Variants in TIMP2 observed in about 807,000 individuals in gnomAD.
TIMP2 encodes TIMP metallopeptidase inhibitor 2, also known as metalloproteinase inhibitor 2.
A neutral mutation model predicts 24.3 loss-of-function variants in TIMP2; 5 were observed. The ratio of observed to expected loss-of-function variants is 0.21; its 90% CI spans 0.11 to 0.43. The LOEUF (loss-of-function observed/expected upper bound fraction) is 0.43. Among genes scored for constraint, TIMP2 ranks in the 20% least tolerant of loss-of-function variants. The pLI, the probability that TIMP2 is intolerant of heterozygous loss-of-function variation, is 1.00. For missense variants in TIMP2, 221 were observed against 297.5 expected (o/e 0.74, Z 1.89); for synonymous variants, 130 against 123.2 (o/e 1.06, Z -0.37).
At chr17:78,912,995 G>T (rs1012816141) in intron 1 of TIMP2, among the ~76,000 whole-genome samples, 24 of 151,522 alleles carry the variant, frequency 1.6e-4, no homozygotes, top group African/African-American at 5.8e-4. Flanking sequence ...ACCTGAGGTT[G>T]GGAGTTCCAG....
intron 1 of TIMP2, among the ~76,000 whole-genome samples, chr17:78,905,231 T>G (rs1288972523): frequency 6.6e-6 from 1 of 152,114 alleles, no homozygotes; most frequent in Non-Finnish European, 1.5e-5. Flanking sequence ...CTCCAGGACT[T>G]ACCCCAGTGG....
intron 1 of TIMP2, among the ~76,000 whole-genome samples, chr17:78,919,348 T>A (rs2070290594): frequency 6.6e-6 from 1 of 152,232 alleles, no homozygotes; most frequent in Non-Finnish European, 1.5e-5. Context: ...ATCCCCAGGC[T>A]CCTCTTTGGC....
At chr17:78,860,780 A>G (rs1056402373) in intron 3 of TIMP2, among the ~76,000 whole-genome samples, 1 of 152,158 alleles carries the variant, frequency 6.6e-6, no homozygotes. Context: ...TCACACCTGT[A>G]ATCCCAGCAC....
intron 1 of TIMP2, chr17:78,892,259 A>C: frequency 6.4e-7 from 1 of 1,550,764 alleles, no homozygotes; most frequent in Non-Finnish European, 8.7e-7. Flanking sequence ...GGCTTGTAGC[A>C]ATTTGTGCTT....
rs553350189 is a variant in TIMP2, at chr17:78,885,614, G to A, written c.131-11695C>T. 1.4e-4 allele frequency among the ~76,000 whole-genome samples: 21 copies of A among 152,334 alleles called. No homozygotes were observed. The East Asian group carries it at 4.1e-3, about 29-fold the overall frequency. On this transcript the variant is annotated intron_variant, in intron 1 of 4. Transcript: ENST00000262768. ...ATTTAGGCTCGCAAGGCAGGGGGCA[G>A]GCCCTGTGCACTTGTGTCCGGAAGA... is the stretch of plus-strand genomic sequence containing the variant.
chr17:78,909,745 T>G (rs1216176660), intron 1 of TIMP2, among the ~76,000 whole-genome samples: 1 of 152,046 alleles, frequency 6.6e-6, no homozygotes, highest in African/African-American at 2.4e-5. Context: ...CTACCGACAC[T>G]CCAAGTAGCC....
rs545311205 is a variant in TIMP2, at chr17:78,857,716, C to T, written c.341-70G>A. 1.7e-3 allele frequency: 2,786 copies of T among 1,601,282 alleles called. 6 individuals carry two copies. The highest frequency in any genetic ancestry group is 2.8e-3 in the Admixed American group (166 of 59,268). On this transcript the variant is annotated intron_variant, in intron 3 of 4. Coordinates refer to ENST00000262768, the MANE Select transcript of TIMP2 (RefSeq NM_003255.5). ...CCTCCTCCTGCCCAGCTCCTCCACC[C>T]GGCGCAGGGGCGCTGGGATTTCGTT... is the stretch of plus-strand genomic sequence containing the variant.
At chr17:78,889,727 G>C (rs1344505557) in intron 1 of TIMP2, among the ~76,000 whole-genome samples, 2 of 152,084 alleles carry the variant, frequency 1.3e-5, no homozygotes, top group Non-Finnish European at 2.9e-5. Flanking sequence ...TCGGCTCTGG[G>C]AGATGCATCC....
chr17:78,919,816 A>G (rs2070295433), intron 1 of TIMP2, among the ~76,000 whole-genome samples: 1 of 151,834 alleles, frequency 6.6e-6, no homozygotes, highest in Non-Finnish European at 1.5e-5. Context: ...GCCTGGAGAC[A>G]GAGTGAGACT....
intron 1 of TIMP2, among the ~76,000 whole-genome samples, chr17:78,923,396 TGG>T (rs1255104339): frequency 1.8e-3 from 85 of 47,700 alleles, no homozygotes; most frequent in African/African-American, 6.1e-3. Context: ...TGGGGCGGGG[TGG>T]GGGGGGGGGC....
rs1161030428 is a variant in TIMP2, at chr17:78,909,352, T to C, written c.130+15607A>G. Among the ~76,000 whole-genome samples the C allele has an allele frequency of 3.3e-5, 5 of 150,308 alleles. No individual in the cohort carries two copies. In the East Asian group the frequency reaches 9.7e-4, roughly 29 times the overall value. On this transcript the variant is annotated intron_variant, in intron 1 of 4. Transcript: ENST00000262768. ...CCTGGGCGACAGAGCAAGACCCTCA[T>C]CTCTTTAAAAAAAAAAAAGATAAAT...
Position 78,909,405 on chromosome 17 carries a change from TC to T in TIMP2, c.130+15553del, listed in dbSNP as rs1249817146. Among the ~76,000 whole-genome samples the T allele has an allele frequency of 2.0e-5, 3 of 149,024 alleles. No individual in the cohort carries two copies. The East Asian group carries it at 5.9e-4, about 29-fold the overall frequency. ...AGGAGCCCACCTGTCCCCAGAGCTC[TC>T]CTGCCACAGTGTCAGCACATGCCTT... is the stretch of plus-strand genomic sequence containing the variant. On this transcript the variant is annotated intron_variant, in intron 1 of 4. Coordinates refer to ENST00000262768, the MANE Select transcript of TIMP2 (RefSeq NM_003255.5).
chr17:78,874,529 T>C (rs1257183575), intron 1 of TIMP2, among the ~76,000 whole-genome samples: 1 of 152,336 alleles, frequency 6.6e-6, no homozygotes. Flanking sequence ...GAAAGGTCTA[T>C]CCAGCTCTTC....
intron 1 of TIMP2, among the ~76,000 whole-genome samples, chr17:78,893,622 T>A (rs954550273): frequency 6.6e-6 from 1 of 151,844 alleles, no homozygotes; most frequent in African/African-American, 2.4e-5. Flanking sequence ...TCTGTGTGCA[T>A]GTCGGTGTGT....
intron 1 of TIMP2, among the ~76,000 whole-genome samples, chr17:78,890,113 C>CTCAA (rs67408260): frequency 4.0e-5 from 6 of 151,874 alleles, no homozygotes; most frequent in East Asian, 1.9e-4. Flanking sequence ...AAGACTCCGT[C>CTCAA]TCAATCAATC....
chr17:78,878,469 G>A (rs1345677347), intron 1 of TIMP2, among the ~76,000 whole-genome samples: 2 of 152,220 alleles, frequency 1.3e-5, no homozygotes, highest in Admixed American at 6.5e-5. Context: ...TCCCGCTCCC[G>A]TGGGTGAGGG....
At chr17:78,908,699 C>T (rs1009257132) in intron 1 of TIMP2, among the ~76,000 whole-genome samples, 4 of 152,300 alleles carry the variant, frequency 2.6e-5, no homozygotes, top group Non-Finnish European at 4.4e-5. Context: ...GAAAAGCCCT[C>T]GACAGTATTT....
chr17:78,863,914 T>C (rs1905160), intron 3 of TIMP2, among the ~76,000 whole-genome samples: 140,252 of 152,222 alleles, frequency 0.92, 64,692 homozygotes, highest in Admixed American at 0.93. Context: ...TCATCCCCCA[T>C]GTACGGATCG....
chr17:78,924,840 G>T lies in TIMP2; in HGVS notation c.130+119C>A. ...TGCAGGATTCGAGAAGGCGCCGAGG[G>T]ACCAGGAGGCGGGCGCTGGGGTCCC... On this transcript the variant is annotated intron_variant, in intron 1 of 4. Coordinates refer to ENST00000262768, the MANE Select transcript of TIMP2 (RefSeq NM_003255.5). This position sits in a 1 kb window ranked among gnomAD's most constrained non-coding sequence, Gnocchi z 5.3. The T allele has an allele frequency of 1.8e-6, 1 of 546,430 alleles. No homozygotes were observed. Among genetic ancestry groups the T allele is most frequent in the Non-Finnish European group, 2.6e-6 (1 of 391,706 alleles). The allele number at this position is 546,430 out of a possible 1,614,324, so 33.8% of individuals were successfully genotyped here.
Sources: allele counts gnomAD v4.1 joint callset (sites outside exome capture counted in the v4.1 genomes callset), GRCh38; gene constraint gnomAD v4.1.1; non-coding constraint Gnocchi (gnomAD v3.1); transcripts MANE v1.5; gene names NCBI Gene and HGNC (gene_info 2026-07-23, HGNC 2026-07-21).